Variants in TTC28 observed in about 807,000 individuals in gnomAD.
The protein encoded by TTC28 is tetratricopeptide repeat domain 28.
Under a neutral mutation model 198.0 loss-of-function variants are expected in TTC28, and 61 were observed. The ratio of observed to expected loss-of-function variants is 0.31; its 90% CI spans 0.25 to 0.38. The LOEUF is 0.38. Among genes scored for constraint, TTC28 ranks in the 10% least tolerant of loss-of-function variants. The pLI is 1.00. For synonymous variants in TTC28, 1,171 were observed against 1,297.8 expected (o/e 0.90, Z 2.10); for missense variants, 2,678 against 3,164.0 (o/e 0.85, Z 3.69).
intron 1 of TTC28, among the ~76,000 whole-genome samples, chr22:28,671,699 A>G (rs2051890580): frequency 1.4e-5 from 2 of 147,384 alleles, no homozygotes; most frequent in Non-Finnish European, 3.0e-5. Context: ...TTTTTGAGAC[A>G]GAGTCTTGCT....
chr22:28,048,791 C>T (rs1939967397), intron 12 of TTC28, among the ~76,000 whole-genome samples: 1 of 152,150 alleles, frequency 6.6e-6, no homozygotes, highest in South Asian at 2.1e-4. Flanking sequence ...ACACACCTTG[C>T]AGTGGGCCAC....
rs562445218 is a variant in TTC28 at position 28,290,918 on chromosome 22, C to T, written c.933+5280G>A. On this transcript the variant is annotated intron_variant, in intron 5 of 22. Coordinates refer to ENST00000397906, the MANE Select transcript of TTC28 (RefSeq NM_001145418.2). ...CCCTGTCTCAAAACACACATACACA[C>T]ACACACACACAATGAAAAAATATCT... Among the ~76,000 whole-genome samples, 6 of 152,120 alleles carry T rather than the reference C, an allele frequency of 3.9e-5. No individual in the cohort carries two copies. In the South Asian group the frequency reaches 1.2e-3, roughly 32 times the overall value.
intron 2 of TTC28, among the ~76,000 whole-genome samples, chr22:28,315,776 C>T (rs1376519914): frequency 1.3e-5 from 2 of 152,078 alleles, no homozygotes; most frequent in African/African-American, 2.4e-5. Context: ...GTTACAGTCT[C>T]GTCAATGCAC....
chr22:28,058,976 T>C (rs1208717995), intron 12 of TTC28, among the ~76,000 whole-genome samples: 1 of 152,106 alleles, frequency 6.6e-6, no homozygotes, highest in Admixed American at 6.5e-5. Flanking sequence ...TCATAATTCA[T>C]GTTCCATCTC....
intron 5 of TTC28, among the ~76,000 whole-genome samples, chr22:28,286,186 T>A (rs965765194): frequency 6.6e-6 from 1 of 151,884 alleles, no homozygotes; most frequent in African/African-American, 2.4e-5. Flanking sequence ...TTCCCATTTA[T>A]GAAAAATAAA....
chr22:28,128,690 C>T (rs909195237), intron 6 of TTC28, among the ~76,000 whole-genome samples: 5 of 152,078 alleles, frequency 3.3e-5, no homozygotes, highest in Non-Finnish European at 5.9e-5. Flanking sequence ...AAGCACATAC[C>T]ACCATGCCCG....
At chr22:28,225,366 GAAAAGAA>G (rs1200852658) in intron 5 of TTC28, among the ~76,000 whole-genome samples, 3 of 82,924 alleles carry the variant, frequency 3.6e-5, no homozygotes, top group African/African-American at 1.3e-4. Context: ...AAAAAAAAAA[GAAAAGAA>G]GAAGAAGAAG....
At chr22:28,086,397 C>T (rs1358327211) in intron 12 of TTC28, among the ~76,000 whole-genome samples, 1 of 152,100 alleles carries the variant, frequency 6.6e-6, no homozygotes, top group Non-Finnish European at 1.5e-5. Context: ...ACTGAACAAC[C>T]TGCTCCTGAA....
chr22:28,069,655 C>T (rs1372211028), intron 12 of TTC28, among the ~76,000 whole-genome samples: 1 of 152,128 alleles, frequency 6.6e-6, no homozygotes. Flanking sequence ...AATCTGGATT[C>T]TCTTGCCTGT....
chr22:28,426,787 A>T (rs573955261), intron 2 of TTC28, among the ~76,000 whole-genome samples: 1 of 152,194 alleles, frequency 6.6e-6, no homozygotes, highest in African/African-American at 2.4e-5. Context: ...TTAGAGGTCC[A>T]AAAGAATAAC....
At chr22:28,674,719 T>G (rs1473891806) in intron 1 of TTC28, among the ~76,000 whole-genome samples, 1 of 150,138 alleles carries the variant, frequency 6.7e-6, no homozygotes, top group Non-Finnish European at 1.5e-5. Context: ...CTTGGGAGGC[T>G]GAGGCAGGAG....
chr22:28,535,599 C>G (rs1485123415), intron 2 of TTC28, among the ~76,000 whole-genome samples: 3 of 152,136 alleles, frequency 2.0e-5, no homozygotes, highest in African/African-American at 4.8e-5. Context: ...TGGTTTGGCT[C>G]TGTGTCCCTA....
At chr22:28,496,693 C>A (rs1248843800) in intron 2 of TTC28, among the ~76,000 whole-genome samples, 7 of 151,900 alleles carry the variant, frequency 4.6e-5, no homozygotes, top group African/African-American at 1.7e-4. Context: ...TCTGCCCTTG[C>A]CTTCTCCAGT....
intron 4 of TTC28, 44 bp downstream of exon 4, chr22:28,297,532 GCTTT>G: frequency 6.6e-7 from 1 of 1,526,310 alleles, no homozygotes; most frequent in Non-Finnish European, 8.8e-7. Flanking sequence ...ATGTTACTCA[GCTTT>G]CTTTGTTCCC....
At chr22:28,611,621 T>A (rs2050821430) in intron 2 of TTC28, among the ~76,000 whole-genome samples, 1 of 148,916 alleles carries the variant, frequency 6.7e-6, no homozygotes, top group African/African-American at 2.5e-5. Context: ...ACATGTCATC[T>A]AGCATTAGGT....
At chr22:28,507,417 C>T (rs2146384296) in intron 2 of TTC28, among the ~76,000 whole-genome samples, 1 of 152,254 alleles carries the variant, frequency 6.6e-6, no homozygotes. Flanking sequence ...TGTAAAGAGA[C>T]TGAACCTATG....
chr22:28,669,983 T>C (rs954017477), intron 1 of TTC28, among the ~76,000 whole-genome samples: 7 of 151,886 alleles, frequency 4.6e-5, no homozygotes, highest in Non-Finnish European at 7.4e-5. Flanking sequence ...ATTATATGTA[T>C]ACACAGAATA....
At chr22:28,073,947 T>C (rs1941081388) in intron 12 of TTC28, among the ~76,000 whole-genome samples, 1 of 152,196 alleles carries the variant, frequency 6.6e-6, no homozygotes, top group Non-Finnish European at 1.5e-5. Context: ...GGATGCTACA[T>C]GGCATTATTG....
chr22:28,368,095 A>G (rs2046276597), intron 2 of TTC28, among the ~76,000 whole-genome samples: 1 of 152,066 alleles, frequency 6.6e-6, no homozygotes, highest in Admixed American at 6.5e-5. Context: ...AACCAAAGAC[A>G]CATCAAAAAA....
Sources: allele counts gnomAD v4.1 joint callset (sites outside exome capture counted in the v4.1 genomes callset), GRCh38; gene constraint gnomAD v4.1.1; transcripts MANE v1.5; gene names NCBI Gene and HGNC (gene_info 2026-07-23, HGNC 2026-07-21).